Variants in HSPB6 observed in about 807,000 individuals in gnomAD.
HSPB6 encodes heat shock protein family B (small) member 6.
A neutral mutation model predicts 10.7 loss-of-function variants in HSPB6; 8 were observed. The ratio of observed to expected loss-of-function variants is 0.75; its 90% CI spans 0.44 to 1.35. The LOEUF (loss-of-function observed/expected upper bound fraction) is 1.35, where lower values mean the gene tolerates loss of function less well. HSPB6 is among the 40% of genes most tolerant of loss of function. The pLI, the probability that HSPB6 is intolerant of heterozygous loss-of-function variation, is 0.00. For missense variants in HSPB6, 232 were observed against 236.0 expected, an observed-to-expected ratio of 0.98 and a Z score of 0.11; for synonymous variants, 128 against 114.2, an observed-to-expected ratio of 1.12 and a Z score of -0.77.
chr19:35,755,908 G>A lies in HSPB6; in HGVS notation c.199-14C>T, dbSNP rs550327917. On this transcript the variant is annotated splice_polypyrimidine_tract_variant and intron_variant, in intron 1 of 2. Transcript: ENST00000004982. ...GTCCGTCGGCACCTGAGCGCAGCGG[G>A]CGCGGGCGGGACTGTCATTGGGCTG... 8.1e-5 allele frequency: 126 copies of A among 1,552,810 alleles called. 2 individuals carry two copies. In the South Asian group the frequency reaches 1.4e-3, roughly 17 times the overall value.
chr19:35,756,765 C>G, intron 1 of HSPB6, 46 bp downstream of exon 1: 1 of 1,524,872 alleles, frequency 6.6e-7, no homozygotes, highest in Non-Finnish European at 8.8e-7. Flanking sequence ...GCCCCAGACC[C>G]CTGGCAATGG....
In HSPB6 at chr19:35,755,249, G is replaced by A. The variant is rs1012322839; in HGVS notation, c.*273C>T. ...GTGGGTCGGTGGGGCTGAGACTGTC[G>A]GCTGAGGGTTAGGGTAGTGCTGGTA... On this transcript the variant is annotated 3_prime_UTR_variant, in exon 3 of 3. Transcript: ENST00000004982. 36 of 618,538 alleles carry A rather than the reference G, an allele frequency of 5.8e-5. No individual in the cohort carries two copies. The highest frequency in any genetic ancestry group is 3.1e-4 in the Middle Eastern group (1 of 3,254). The allele number at this position is 618,538 out of a possible 1,614,324, so 38.3% of individuals were successfully genotyped here. A position where few individuals can be genotyped will look rare whatever the true frequency, so the allele number is the denominator to read the frequency against.
In HSPB6 at chr19:35,754,789, G is replaced by A. The variant is rs1464452469; in HGVS notation, c.*733C>T. 2.2e-6 allele frequency: 1 copy of A among 459,048 alleles called. No individual in the cohort carries two copies. Among genetic ancestry groups the A allele is most frequent in the East Asian group, 4.3e-5 (1 of 23,208 alleles). The allele number at this position is 459,048 out of a possible 1,614,324, so 28.4% of individuals were successfully genotyped here. ...GGGGTCTGGTTAGAGTTGGGGAGGG[G>A]GCCTAGGACATCCGTGCAGAGTCTG... On this transcript the variant is annotated 3_prime_UTR_variant, in exon 3 of 3. Transcript: ENST00000004982.
rs1223786218 is a variant in HSPB6 at position 35,755,463 on chromosome 19, G to A, written c.*59C>T. On this transcript the variant is annotated 3_prime_UTR_variant, in exon 3 of 3. Coordinates refer to ENST00000004982, the MANE Select transcript of HSPB6 (RefSeq NM_144617.3). Reference sequence around the variant, plus strand: ...ACATCTGGCTGGGCGGAGTCAGATCGGCTTTAATAGAGGGAGCCTGAGGAG... The same window carrying A: ...ACATCTGGCTGGGCGGAGTCAGATCAGCTTTAATAGAGGGAGCCTGAGGAG... 4.7e-6 allele frequency: 7 copies of A among 1,495,038 alleles called. No homozygotes were observed. In the Admixed American group the frequency reaches 8.1e-5, roughly 17 times the overall value. The allele number at this position is 1,495,038 out of a possible 1,614,324, so 92.6% of individuals were successfully genotyped here. A position where few individuals can be genotyped will look rare whatever the true frequency, so the allele number is the denominator to read the frequency against.
At chr19:35,756,192 C>G (rs981403062) in intron 1 of HSPB6, among the ~76,000 whole-genome samples, 2 of 151,994 alleles carry the variant, frequency 1.3e-5, no homozygotes, top group African/African-American at 4.8e-5. Context: ...GTCATCGTGC[C>G]CCCCAGGGCA....
Position 35,755,585 on chromosome 19 carries a change from G to A in HSPB6, c.420C>T (p.Gly140=), listed in dbSNP as rs1303245010. 3 of 1,527,558 alleles carry A rather than the reference G, an allele frequency of 2.0e-6. No homozygotes were observed. Among genetic ancestry groups the A allele is most frequent in the East Asian group, 5.0e-5 (2 of 40,016 alleles). The allele number at this position is 1,527,558 out of a possible 1,614,324, so 94.6% of individuals were successfully genotyped here. A position where few individuals can be genotyped will look rare whatever the true frequency, so the allele number is the denominator to read the frequency against. The change falls in exon 3 of 3, where the codon GGC becomes GGT. Residue 140 remains glycine, a synonymous_variant. Coordinates refer to ENST00000004982, the MANE Select transcript of HSPB6 (RefSeq NM_144617.3). ...AAVTSALSPE[G]VLSIQAAPAS... ...CTGGTGCGGCCTGGATGGACAGGAC[G>A]CCCTCGGGGGACAGCGCGGACGTCA...
chr19:35,756,723 G>A (rs947123251), intron 1 of HSPB6, 88 bp downstream of exon 1: 154 of 1,382,018 alleles, frequency 1.1e-4, no homozygotes, highest in Admixed American at 2.2e-4. Flanking sequence ...CAAGGCCAAC[G>A]AACATTCTCT....
At chr19:35,756,707 C>A in intron 1 of HSPB6, 104 bp downstream of exon 1, 2 of 1,239,812 alleles carry the variant, frequency 1.6e-6, no homozygotes, top group Non-Finnish European at 2.3e-6. Context: ...GACTCTCCAC[C>A]CCGCCCAAGG....
At chr19:35,756,030 C>T (rs1194195153) in intron 1 of HSPB6, 136 bp from the exon 2 acceptor site, 11 of 1,265,326 alleles carry the variant, frequency 8.7e-6, no homozygotes, top group Non-Finnish European at 1.1e-6. Context: ...AGCTCTCCTA[C>T]TGGGAGTCAC....
Position 35,756,826 on chromosome 19 carries a change from C to T in HSPB6, c.183G>A (p.Ala61=), listed in dbSNP as rs1269374711. 1.3e-6 allele frequency: 2 copies of T among 1,536,300 alleles called. No homozygotes were observed. The highest frequency in any genetic ancestry group is 2.4e-5 in the East Asian group (1 of 40,906). Residue 61 remains alanine, a synonymous_variant, in exon 1 of 3, where the codon GCG becomes GCA. Transcript: ENST00000004982. ...GGCCTGGCACCTGGGCGACGGGCAG[C>T]GCCACGCTGGGTGCGCGCAGGTAGT... The part of the protein sequence containing the change: ...APYYLRAPSV[A]LPVAQVPTDP...
rs1468333924 is a variant in HSPB6, at chr19:35,755,498, G to T, written c.*24C>A. 3 of 1,514,162 alleles carry T rather than the reference G, an allele frequency of 2.0e-6. No individual in the cohort carries two copies. Among genetic ancestry groups the T allele is most frequent in the African/African-American group, 1.4e-5 (1 of 71,426 alleles). The allele number at this position is 1,514,162 out of a possible 1,614,324, so 93.8% of individuals were successfully genotyped here. Reference sequence around the variant, plus strand: ...GAGGGAGCCTGAGGAGGCTCCCGGGGTGCGGGCGCGGCCCAGCCCCCTCCT... The same window carrying T: ...GAGGGAGCCTGAGGAGGCTCCCGGGTTGCGGGCGCGGCCCAGCCCCCTCCT... On this transcript the variant is annotated 3_prime_UTR_variant, in exon 3 of 3. Transcript: ENST00000004982.
At position 35,755,763 on chromosome 19, in the gene HSPB6, G is replaced by A; in HGVS notation, c.321+9C>T. ...ACCCGCTCCAGCCCCGCCCCACGCCGCGGCTCACCGGGCGCTCCTCGTGGC... is the reference window on the plus strand; with the variant it reads ...ACCCGCTCCAGCCCCGCCCCACGCCACGGCTCACCGGGCGCTCCTCGTGGC... On this transcript the variant is annotated intron_variant, in intron 2 of 2. Coordinates refer to ENST00000004982, the MANE Select transcript of HSPB6 (RefSeq NM_144617.3). 2 of 1,570,874 alleles carry A rather than the reference G, an allele frequency of 1.3e-6. No homozygotes were observed. Among genetic ancestry groups the A allele is most frequent in the Non-Finnish European group, 1.7e-6 (2 of 1,160,082 alleles).
chr19:35,755,889 C>A lies in HSPB6; in HGVS notation c.204G>T (p.Pro68=). ...PSVALPVAQV[P]TDPGHFSVLL... Reference sequence around the variant, plus strand: ...GCACCGAAAAGTGGCCGGGGTCCGTCGGCACCTGAGCGCAGCGGGCGCGGG... The same window carrying A: ...GCACCGAAAAGTGGCCGGGGTCCGTAGGCACCTGAGCGCAGCGGGCGCGGG... Residue 68 remains proline, a synonymous_variant, in exon 2 of 3, where the codon CCG becomes CCT. Coordinates refer to ENST00000004982, the MANE Select transcript of HSPB6 (RefSeq NM_144617.3). The A allele has an allele frequency of 6.4e-7, 1 of 1,566,226 alleles. No individual in the cohort carries two copies. The highest frequency in any genetic ancestry group is 1.2e-5 in the South Asian group (1 of 84,966).
chr19:35,756,959 G>T lies in HSPB6; in HGVS notation c.50C>A (p.Ala17Asp), dbSNP rs758796871. Reference sequence around the variant, plus strand: ...GGGCGCCGAAAGTCCGGGCAACGGGGCCGAGGCGCGGCGCAGCCAAGACGG... The same window carrying T: ...GGGCGCCGAAAGTCCGGGCAACGGGTCCGAGGCGCGGCGCAGCCAAGACGG... ...VQPSWLRRASAPLPGLSAPGR... is the reference protein window; with the variant it reads ...VQPSWLRRASDPLPGLSAPGR... Residue 17 changes from alanine (A) to aspartate (D), a missense_variant, in exon 1 of 3, where the codon GCC (alanine) becomes GAC (aspartate). Ala to Asp is a moderately radical substitution (Grantham distance 126). Coordinates refer to ENST00000004982, the MANE Select transcript of HSPB6 (RefSeq NM_144617.3). 2 of 1,544,738 alleles carry T rather than the reference G, an allele frequency of 1.3e-6. No individual in the cohort carries two copies. Among genetic ancestry groups the T allele is most frequent in the East Asian group, 2.4e-5 (1 of 40,904 alleles).
Position 35,754,978 on chromosome 19 carries a change from T to C in HSPB6, c.*544A>G, listed in dbSNP as rs1377307674. The C allele has an allele frequency of 3.7e-6, 1 of 273,524 alleles. No homozygotes were observed. Among genetic ancestry groups the C allele is most frequent in the Non-Finnish European group, 7.1e-6 (1 of 141,368 alleles). The allele number at this position is 273,524 out of a possible 1,614,324, so 16.9% of individuals were successfully genotyped here. ...GAGGGGGCAGTTGTAGACTGTCTGG[T>C]TGCAGGGGAAGGATCGGGTCTTGGG... On this transcript the variant is annotated 3_prime_UTR_variant, in exon 3 of 3. Coordinates refer to ENST00000004982, the MANE Select transcript of HSPB6 (RefSeq NM_144617.3).
rs1213067928 is a variant in HSPB6 at position 35,755,612 on chromosome 19, G to A, written c.393C>T (p.Ala131=). Reference sequence around the variant, plus strand: ...CCTCGGGGGACAGCGCGGACGTCACGGCAGCCGGATCCACGCCAGGCGGCA... The same window carrying A: ...CCTCGGGGGACAGCGCGGACGTCACAGCAGCCGGATCCACGCCAGGCGGCA... The part of the protein sequence containing the change: ...YRLPPGVDPA[A]VTSALSPEGV... The change falls in exon 3 of 3, where the codon GCC becomes GCT. Residue 131 remains alanine (A), a synonymous_variant. Transcript: ENST00000004982. 6.5e-7 allele frequency: 1 copy of A among 1,531,914 alleles called. No individual in the cohort carries two copies. Among genetic ancestry groups the A allele is most frequent in the Non-Finnish European group, 8.7e-7 (1 of 1,144,076 alleles). 94.9% of individuals were successfully genotyped at this position (1,531,914 alleles called of 1,614,324 possible).
Position 35,755,231 on chromosome 19 carries a change from G to A in HSPB6, c.*291C>T, listed in dbSNP as rs1970737872. 2 of 589,086 alleles carry A rather than the reference G, an allele frequency of 3.4e-6. No homozygotes were observed. Among genetic ancestry groups the A allele is most frequent in the Admixed American group, 3.3e-5 (1 of 30,710 alleles). The allele number at this position is 589,086 out of a possible 1,614,324, so 36.5% of individuals were successfully genotyped here. A position where few individuals can be genotyped will look rare whatever the true frequency, so the allele number is the denominator to read the frequency against. On this transcript the variant is annotated 3_prime_UTR_variant, in exon 3 of 3. Transcript: ENST00000004982. ...GGGCTATATGCCAAGAAAGTGGGTC[G>A]GTGGGGCTGAGACTGTCGGCTGAGG... is the stretch of plus-strand genomic sequence containing the variant.
In HSPB6 at chr19:35,756,835, G is replaced by T. The variant is rs1239375246; in HGVS notation, c.174C>A (p.Pro58=). The T allele has an allele frequency of 2.6e-6, 4 of 1,536,884 alleles. No homozygotes were observed. The South Asian group carries it at 4.8e-5, about 18-fold the overall frequency. Residue 58 remains proline, a synonymous_variant, in exon 1 of 3, where the codon CCC becomes CCA. Transcript: ENST00000004982. ...CCTGGGCGACGGGCAGCGCCACGCT[G>T]GGTGCGCGCAGGTAGTAGGGGGCGA... ...TTLAPYYLRA[P]SVALPVAQVP...
intron 1 of HSPB6, among the ~76,000 whole-genome samples, chr19:35,756,483 A>G (rs1970758797): frequency 2.6e-5 from 4 of 151,800 alleles, no homozygotes; most frequent in Non-Finnish European, 5.9e-5. Context: ...TCCCCTCAGG[A>G]GTCACTGCCC....
Sources: allele counts gnomAD v4.1 joint callset (sites outside exome capture counted in the v4.1 genomes callset), GRCh38; gene constraint gnomAD v4.1.1; transcripts MANE v1.5; gene names NCBI Gene and HGNC (gene_info 2026-07-23, HGNC 2026-07-21).